The following TMEM132B variants were observed in gnomAD, a reference collection of about 807,000 sequenced individuals.
TMEM132B encodes transmembrane protein 132B.
A neutral mutation model predicts 90.8 loss-of-function variants in TMEM132B; 18 were observed. The ratio of observed to expected loss-of-function variants is 0.20; its 90% CI spans 0.14 to 0.29. The LOEUF is 0.29. Ranked by LOEUF, TMEM132B falls within the 10% of genes least tolerant of loss-of-function variation. The pLI, the probability that TMEM132B is intolerant of heterozygous loss-of-function variation, is 1.00. For missense variants in TMEM132B, 1,096 were observed against 1,326.8 expected, an observed-to-expected ratio of 0.83 and a Z score of 2.70; for synonymous variants, 504 against 523.3, an observed-to-expected ratio of 0.96 and a Z score of 0.50.
At chr12:125,351,103 C>T (rs762585163) in intron 2 of TMEM132B, among the ~76,000 whole-genome samples, 44 of 152,230 alleles carry the variant, frequency 2.9e-4, no homozygotes, top group Middle Eastern at 6.8e-3. Flanking sequence ...AATAGAGACC[C>T]ACACAAGACA....
chr12:125,423,138 C>T (rs116879514), intron 3 of TMEM132B, among the ~76,000 whole-genome samples: 5,169 of 152,148 alleles, frequency 0.034, 120 homozygotes, highest in Middle Eastern at 0.061. Context: ...ATGTGCAGCC[C>T]GGGCTGAGAA....
chr12:125,525,414 G>T (rs912107300), intron 4 of TMEM132B, among the ~76,000 whole-genome samples: 2 of 152,206 alleles, frequency 1.3e-5, no homozygotes, highest in African/African-American at 2.4e-5. Flanking sequence ...CTTATAAAAG[G>T]GTTGGAGGAA....
chr12:125,656,010 A>G lies in TMEM132B; in HGVS notation c.*1300A>G, dbSNP rs1472172727. ...TTCCAGAACTCAAGAAGCAGCTATT[A>G]TAGAAAAAAAAATTAAAAACCACAG... On this transcript the variant is annotated 3_prime_UTR_variant, in exon 9 of 9. Transcript: ENST00000682704. 2 of 152,180 alleles carry G rather than the reference A, an allele frequency of 1.3e-5. No individual in the cohort carries two copies. Among genetic ancestry groups the G allele is most frequent in the Admixed American group, 1.3e-4 (2 of 15,286 alleles). 9.4% of individuals were successfully genotyped at this position (152,180 alleles called of 1,614,324 possible). A position where few individuals can be genotyped will look rare whatever the true frequency, so the allele number is the denominator to read the frequency against.
intron 1 of TMEM132B, among the ~76,000 whole-genome samples, chr12:125,265,323 A>G (rs1874662340): frequency 6.8e-6 from 1 of 148,118 alleles, no homozygotes; most frequent in Non-Finnish European, 1.5e-5. Flanking sequence ...TTTTCTATAC[A>G]TACATACCTA....
chr12:125,272,019 C>G (rs190458187), intron 1 of TMEM132B, among the ~76,000 whole-genome samples: 3 of 152,084 alleles, frequency 2.0e-5, no homozygotes, highest in Non-Finnish European at 2.9e-5. Flanking sequence ...AGCTAGATAC[C>G]GCGGCTTGCC....
intron 5 of TMEM132B, among the ~76,000 whole-genome samples, chr12:125,635,859 G>A (rs561292013): frequency 1.3e-5 from 2 of 152,250 alleles, no homozygotes; most frequent in Admixed American, 1.3e-4. Flanking sequence ...TAAAAAGTTA[G>A]GGCTGCTTTA....
At chr12:125,262,199 A>T (rs1200238864) in intron 1 of TMEM132B, among the ~76,000 whole-genome samples, 3 of 148,752 alleles carry the variant, frequency 2.0e-5, no homozygotes, top group African/African-American at 7.5e-5. Flanking sequence ...GCTTAATGGC[A>T]GGAGTTTGAG....
At chr12:125,360,390 G>A (rs1327791385) in intron 2 of TMEM132B, among the ~76,000 whole-genome samples, 1 of 152,072 alleles carries the variant, frequency 6.6e-6, no homozygotes, top group South Asian at 2.1e-4. Context: ...CCTAGACGAT[G>A]GTCTACAATA....
At chr12:125,552,599 C>T (rs762478756) in intron 4 of TMEM132B, among the ~76,000 whole-genome samples, 3 of 152,190 alleles carry the variant, frequency 2.0e-5, no homozygotes, top group Non-Finnish European at 4.4e-5. Flanking sequence ...GGCCCCTCCC[C>T]ATGCCTTCCT....
rs548077293 is a variant in TMEM132B at position 125,603,450 on chromosome 12, T to C, written c.1437+19456T>C. 1.2e-3 allele frequency among the ~76,000 whole-genome samples: 184 copies of C among 152,144 alleles called. 5 individuals carry two copies. In the South Asian group the frequency reaches 0.034, roughly 28 times the overall value. The stretch of plus-strand genomic sequence containing the variant: ...CCTTACACCTTATACAAAAATTAAC[T>C]CAAGATGGATTAAAGACTTACATGT... On this transcript the variant is annotated intron_variant, in intron 5 of 8. Transcript: ENST00000682704.
intron 2 of TMEM132B, among the ~76,000 whole-genome samples, chr12:125,383,445 C>A (rs1878740807): frequency 6.6e-6 from 1 of 152,064 alleles, no homozygotes; most frequent in East Asian, 1.9e-4. Context: ...TTATTTTTTC[C>A]TAGTACACAT....
chr12:125,660,543 T>C lies in TMEM132B; in HGVS notation c.*5833T>C, dbSNP rs2137073316. On this transcript the variant is annotated 3_prime_UTR_variant, in exon 9 of 9. Coordinates refer to ENST00000682704, the MANE Select transcript of TMEM132B (RefSeq NM_001366854.1). ...TTTTTTGTTGTTTGCTTTTAGAAAT[T>C]TTTAAAAATACAAAAAAAAAGCGCA... 1 of 149,770 alleles carries C rather than the reference T, an allele frequency of 6.7e-6. No individual in the cohort carries two copies. Among genetic ancestry groups the C allele is most frequent in the South Asian group, 2.1e-4 (1 of 4,780 alleles). 9.3% of individuals were successfully genotyped at this position (149,770 alleles called of 1,614,324 possible).
At chr12:125,633,263 G>A (rs565498332) in intron 5 of TMEM132B, among the ~76,000 whole-genome samples, 189 of 152,126 alleles carry the variant, frequency 1.2e-3, no homozygotes, top group Non-Finnish European at 2.0e-3. Flanking sequence ...AAGAATTTCT[G>A]CTTGTTTTTA....
chr12:125,515,701 A>T (rs1883128050), intron 3 of TMEM132B, among the ~76,000 whole-genome samples: 1 of 150,484 alleles, frequency 6.6e-6, no homozygotes, highest in South Asian at 2.1e-4. Flanking sequence ...TCCCACACTC[A>T]CACAACACAT....
chr12:125,655,171 G>A lies in TMEM132B; in HGVS notation c.*461G>A, dbSNP rs753210593. ...GTAGCTATCCTGATTTGTCATGAGC[G>A]CTGCTCATTATTTTTATATACATTT... On this transcript the variant is annotated 3_prime_UTR_variant, in exon 9 of 9. Transcript: ENST00000682704. The A allele has an allele frequency of 1.9e-5, 3 of 155,698 alleles. No individual in the cohort carries two copies. Among genetic ancestry groups the A allele is most frequent in the South Asian group, 2.0e-4 (1 of 5,016 alleles). The allele number at this position is 155,698 out of a possible 1,614,324, so 9.6% of individuals were successfully genotyped here.
chr12:125,498,079 C>T lies in TMEM132B; in HGVS notation c.1107-21360C>T, dbSNP rs1443637639. Among the ~76,000 whole-genome samples the T allele has an allele frequency of 2.0e-5, 3 of 152,170 alleles. No homozygotes were observed. Among genetic ancestry groups the T allele is most frequent in the Non-Finnish European group, 4.4e-5 (3 of 68,040 alleles). On this transcript the variant is annotated intron_variant, in intron 3 of 8. Coordinates refer to ENST00000682704, the MANE Select transcript of TMEM132B (RefSeq NM_001366854.1). This position sits in a 1 kb window ranked among gnomAD's most constrained non-coding sequence, Gnocchi z 4.5. ...TCCCACTAGCAATTAAATGATCAGT[C>T]CAGACCTGACACACGCTGCTTTATT...
intron 5 of TMEM132B, among the ~76,000 whole-genome samples, chr12:125,604,249 T>C (rs1593017078): frequency 6.6e-6 from 1 of 151,792 alleles, no homozygotes; most frequent in African/African-American, 2.4e-5. Flanking sequence ...ATATACACCA[T>C]GGAATACTAT....
intron 4 of TMEM132B, among the ~76,000 whole-genome samples, chr12:125,563,598 C>CAAACAAAAAAAAA (rs774597550): frequency 1.5e-4 from 22 of 150,286 alleles, no homozygotes; most frequent in African/African-American, 5.2e-4. Context: ...AACAAACAAA[C>CAAACAAAAAAAAA]AAAAAAAAAC....
intron 3 of TMEM132B, among the ~76,000 whole-genome samples, chr12:125,455,501 T>C (rs1281849865): frequency 1.3e-5 from 2 of 152,102 alleles, no homozygotes; most frequent in African/African-American, 4.8e-5. Flanking sequence ...GAGGTTTAAA[T>C]AAGAAGAAAT....
Sources: allele counts gnomAD v4.1 joint callset (sites outside exome capture counted in the v4.1 genomes callset), GRCh38; gene constraint gnomAD v4.1.1; non-coding constraint Gnocchi (gnomAD v3.1); transcripts MANE v1.5; gene names NCBI Gene and HGNC (gene_info 2026-07-23, HGNC 2026-07-21).